Variants in SPATA17 observed in about 807,000 individuals in gnomAD.
The protein encoded by SPATA17 is spermatogenesis associated 17, also known as spermatogenesis-associated protein 17.
In SPATA17, 53 loss-of-function variants were observed where a neutral mutation model predicts 62.2. That is an observed-to-expected ratio of 0.85 (90% confidence interval 0.68 to 1.07). SPATA17 has a LOEUF of 1.07. Ranked by LOEUF, SPATA17 falls within the 50% of genes least tolerant of loss-of-function variation. The probability of loss-of-function intolerance (pLI) is 0.00; values close to 1 mark genes in which losing one functional copy is unlikely to be tolerated. For synonymous variants in SPATA17, 146 were observed against 146.8 expected (o/e 0.99, Z 0.04); for missense variants, 466 against 425.5 (o/e 1.10, Z -0.84).
At chr1:217,681,464 C>T (rs1038881721) in intron 4 of SPATA17, among the ~76,000 whole-genome samples, 3 of 151,880 alleles carry the variant, frequency 2.0e-5, no homozygotes, top group African/African-American at 7.2e-5. Flanking sequence ...ACCTCTGCCT[C>T]CCCGGTTCAA....
intron 3 of SPATA17, among the ~76,000 whole-genome samples, chr1:217,660,280 T>G (rs1670537795): frequency 6.6e-6 from 1 of 152,216 alleles, no homozygotes. Flanking sequence ...TGTAGGCATT[T>G]CTCTCACTGA....
At chr1:217,759,667 T>C (rs1673125525) in intron 6 of SPATA17, among the ~76,000 whole-genome samples, 1 of 151,982 alleles carries the variant, frequency 6.6e-6, no homozygotes, top group Non-Finnish European at 1.5e-5. Context: ...CAGAGGGAGA[T>C]TGTTTCATAT....
intron 6 of SPATA17, among the ~76,000 whole-genome samples, chr1:217,759,505 T>A (rs1213637032): frequency 6.6e-6 from 1 of 151,598 alleles, no homozygotes; most frequent in African/African-American, 2.4e-5. Flanking sequence ...AAAGTGGCAA[T>A]GGGGAACTGA....
chr1:217,646,880 C>A (rs1157388065), intron 1 of SPATA17, among the ~76,000 whole-genome samples: 1 of 152,042 alleles, frequency 6.6e-6, no homozygotes, highest in Non-Finnish European at 1.5e-5. Flanking sequence ...GGCAACAGAG[C>A]AAGACTCTGT....
At chr1:217,735,873 A>T (rs996328318) in intron 5 of SPATA17, among the ~76,000 whole-genome samples, 1 of 151,858 alleles carries the variant, frequency 6.6e-6, no homozygotes, top group African/African-American at 2.4e-5. Flanking sequence ...AAAGCATTTA[A>T]TGAGTATACT....
chr1:217,855,576 A>G (rs1471600968), intron 9 of SPATA17, among the ~76,000 whole-genome samples: 1 of 152,078 alleles, frequency 6.6e-6, no homozygotes, highest in Non-Finnish European at 1.5e-5. Flanking sequence ...TCATGGCCTA[A>G]TACATATGCC....
At chr1:217,799,965 T>C (rs1300111821) in intron 8 of SPATA17, among the ~76,000 whole-genome samples, 6 of 152,118 alleles carry the variant, frequency 3.9e-5, no homozygotes, top group African/African-American at 1.4e-4. Context: ...TTTCTCTAAA[T>C]GTTTCTTTTA....
chr1:217,869,506 C>T lies in SPATA17; in HGVS notation c.*2487C>T, dbSNP rs1263595121. ...AGGTTCTCTACAGAATGTAGATTTT[C>T]CCCATAAGAGATAGCTTCGCAGGGC... On this transcript the variant is annotated 3_prime_UTR_variant, in exon 11 of 11. Transcript: ENST00000366933. The T allele has an allele frequency of 6.6e-6, 1 of 152,050 alleles. No individual in the cohort carries two copies. Among genetic ancestry groups the T allele is most frequent in the Non-Finnish European group, 1.5e-5 (1 of 68,008 alleles). The allele number at this position is 152,050 out of a possible 1,614,324, so 9.4% of individuals were successfully genotyped here. A position where few individuals can be genotyped will look rare whatever the true frequency, so the allele number is the denominator to read the frequency against.
chr1:217,829,194 T>C, intron 9 of SPATA17, among the ~76,000 whole-genome samples: 1 of 152,110 alleles, frequency 6.6e-6, no homozygotes, highest in Non-Finnish European at 1.5e-5. Flanking sequence ...ACAACCTAAA[T>C]GTTCATCAAA....
intron 1 of SPATA17, among the ~76,000 whole-genome samples, chr1:217,635,832 G>A (rs1265320231): frequency 6.6e-6 from 1 of 151,916 alleles, no homozygotes; most frequent in East Asian, 1.9e-4. Context: ...CAAGTTGCAA[G>A]CCTTAAAAAG....
chr1:217,655,712 T>G (rs960085128), intron 3 of SPATA17, among the ~76,000 whole-genome samples: 2 of 152,186 alleles, frequency 1.3e-5, no homozygotes, highest in Admixed American at 6.5e-5. Context: ...AATGGATTCC[T>G]ATTTTATTCA....
intron 5 of SPATA17, among the ~76,000 whole-genome samples, chr1:217,690,195 G>C (rs1005649799): frequency 8.6e-5 from 13 of 152,020 alleles, no homozygotes; most frequent in African/African-American, 1.2e-4. Context: ...GAGCCACCGG[G>C]CCCAGCCTTT....
intron 7 of SPATA17, among the ~76,000 whole-genome samples, chr1:217,779,296 C>A (rs1673675373): frequency 6.6e-6 from 1 of 151,482 alleles, no homozygotes; most frequent in African/African-American, 2.4e-5. Context: ...CACACATATA[C>A]TCCTGAATTA....
At chr1:217,811,716 T>C (rs1030715592) in intron 9 of SPATA17, among the ~76,000 whole-genome samples, 1 of 151,088 alleles carries the variant, frequency 6.6e-6, no homozygotes, top group African/African-American at 2.4e-5. Context: ...AAAAACTATG[T>C]CTCTGTGTGG....
At chr1:217,831,339 G>A (rs1675134214) in intron 9 of SPATA17, among the ~76,000 whole-genome samples, 1 of 151,920 alleles carries the variant, frequency 6.6e-6, no homozygotes, top group South Asian at 2.1e-4. Context: ...TGTTTTCTTT[G>A]CTTATCCCAG....
intron 6 of SPATA17, among the ~76,000 whole-genome samples, chr1:217,760,251 T>A (rs944398015): frequency 6.6e-6 from 1 of 152,102 alleles, no homozygotes; most frequent in Non-Finnish European, 1.5e-5. Flanking sequence ...CTTTCTACTA[T>A]CAAATAGTTG....
intron 9 of SPATA17, among the ~76,000 whole-genome samples, chr1:217,838,900 A>T (rs1675325757): frequency 6.6e-6 from 1 of 152,134 alleles, no homozygotes. Flanking sequence ...AAGTATATGA[A>T]ATCACTGTTT....
chr1:217,802,301 G>T (rs1674332219), intron 9 of SPATA17, among the ~76,000 whole-genome samples: 1 of 152,110 alleles, frequency 6.6e-6, no homozygotes, highest in African/African-American at 2.4e-5. Context: ...CATTTAACCT[G>T]CATATATGTA....
In SPATA17 at chr1:217,825,816, A is replaced by G. The variant is rs7551476; in HGVS notation, c.1005+23966A>G. Among the ~76,000 whole-genome samples, 978 of 152,200 alleles carry G rather than the reference A, an allele frequency of 6.4e-3. 6 individuals carry two copies. Among genetic ancestry groups the G allele is most frequent in the African/African-American group, 0.022 (911 of 41,542 alleles). On this transcript the variant is annotated intron_variant, in intron 9 of 10. Coordinates refer to ENST00000366933, the MANE Select transcript of SPATA17 (RefSeq NM_138796.4). ...AAGTATGAAATTAATAATTGAACTA[A>G]CATTTCCTTGATTTTAGTGAATTGA...
Sources: gnomAD v4.1 joint callset for allele counts (sites outside exome capture counted in the v4.1 genomes callset) on GRCh38, gnomAD v4.1.1 for gene constraint, MANE v1.5 for transcripts, NCBI Gene and HGNC (gene_info 2026-07-23, HGNC 2026-07-21) for gene names.